Variants in ROS1 observed in about 807,000 individuals in gnomAD.
The protein encoded by ROS1 is ROS proto-oncogene 1, receptor tyrosine kinase.
ROS1 carries 263 observed loss-of-function variants against 273.5 expected under a neutral mutation model. That is an observed-to-expected ratio of 0.96 (90% CI 0.87 to 1.06). The LOEUF is 1.06. ROS1 is among the 50% of genes least tolerant of loss of function. The pLI, the probability that ROS1 is intolerant of heterozygous loss-of-function variation, is 0.00. For synonymous variants in ROS1, 1,008 were observed against 954.1 expected (o/e 1.06, Z -1.04); for missense variants, 2,833 against 2,751.1 (o/e 1.03, Z -0.67).
intron 18 of ROS1, among the ~76,000 whole-genome samples, chr6:117,369,826 G>T (rs1401135213): frequency 6.6e-6 from 1 of 152,054 alleles, no homozygotes; most frequent in Non-Finnish European, 1.5e-5. Flanking sequence ...CAGATTTGTT[G>T]TGTTTATGTG....
chr6:117,294,705 T>C (rs1392585853), intron 43 of ROS1, among the ~76,000 whole-genome samples: 1 of 152,096 alleles, frequency 6.6e-6, no homozygotes, highest in Non-Finnish European at 1.5e-5. Flanking sequence ...GGCAATGCCA[T>C]TTACAAGAGC....
intron 32 of ROS1, among the ~76,000 whole-genome samples, chr6:117,331,023 A>G (rs1240999670): frequency 2.6e-5 from 4 of 152,226 alleles, no homozygotes; most frequent in Admixed American, 2.0e-4. Flanking sequence ...GCTTCACAAG[A>G]TGGGTAGAAA....
chr6:117,359,360 T>C (rs577718253), intron 24 of ROS1, among the ~76,000 whole-genome samples: 113 of 152,316 alleles, frequency 7.4e-4, no homozygotes, highest in African/African-American at 1.8e-3. Flanking sequence ...TTAATCTTCA[T>C]GGGAACCCTA....
intron 32 of ROS1, among the ~76,000 whole-genome samples, chr6:117,334,464 T>C (rs117333339): frequency 0.095 from 14,421 of 152,164 alleles, 876 homozygotes; most frequent in Middle Eastern, 0.14. Flanking sequence ...CTAACTACCG[T>C]TGACATTCTT....
intron 43 of ROS1, 99 bp from the exon 44 acceptor site, chr6:117,288,901 C>T (rs1773627537): frequency 7.3e-6 from 7 of 958,422 alleles, no homozygotes; most frequent in East Asian, 2.7e-5. Flanking sequence ...CAACTTTACA[C>T]ATTTGTTCAG....
At chr6:117,328,911 G>C (rs2128591446) in intron 33 of ROS1, 1 of 609,560 alleles carries the variant, frequency 1.6e-6, no homozygotes. Flanking sequence ...TAATTTTACA[G>C]TATGAGAAAT....
At chr6:117,359,156 CTT>C (rs1382149829) in intron 24 of ROS1, among the ~76,000 whole-genome samples, 1 of 152,176 alleles carries the variant, frequency 6.6e-6, no homozygotes, top group African/African-American at 2.4e-5. Flanking sequence ...CCTGTCTCAT[CTT>C]TGTTTCCAAG....
In ROS1 at chr6:117,341,164, G is replaced by T. The variant is rs2128621411; in HGVS notation, c.5032C>A (p.Leu1678Ile). The change falls in exon 31 of 44, where the codon CTC (leucine) becomes ATC (isoleucine). Residue 1678 changes from leucine to isoleucine, a missense_variant. Coordinates refer to ENST00000368507, the MANE Select transcript of ROS1 (RefSeq NM_001378902.1). The part of the protein sequence containing the change: ...FNWKAPLNVN[L>I]IRFWVELQKW... ...TGTAGCTCAACCCAAAATCTGATGA[G>T]GTTAACATTCAATGGAGCCTTCCAA... 6.2e-7 allele frequency: 1 copy of T among 1,612,552 alleles called. No homozygotes were observed. Among genetic ancestry groups the T allele is most frequent in the Non-Finnish European group, 8.5e-7 (1 of 1,179,180 alleles).
chr6:117,409,558 T>A (rs754342314), intron 5 of ROS1, 24 bp downstream of exon 5: 1 of 1,596,450 alleles, frequency 6.3e-7, no homozygotes, highest in Non-Finnish European at 8.6e-7. Context: ...GCCTATTTTT[T>A]AAAAGTCGTG....
At chr6:117,310,042 T>C (rs905816278) in intron 41 of ROS1, 39 bp downstream of exon 41, 1 of 1,534,780 alleles carries the variant, frequency 6.5e-7, no homozygotes, top group Non-Finnish European at 9.0e-7. Flanking sequence ...TAATGTTTGA[T>C]GATTCTGTCA....
At chr6:117,400,429 C>T (rs1189992826) in intron 7 of ROS1, among the ~76,000 whole-genome samples, 1 of 152,088 alleles carries the variant, frequency 6.6e-6, no homozygotes, top group East Asian at 1.9e-4. Flanking sequence ...ATATTTTGAA[C>T]AAGAGAACAA....
At position 117,389,640 on chromosome 6, in the gene ROS1, A is replaced by T; in HGVS notation, c.1496T>A (p.Ile499Asn). ...ATCAGCAAAGGGGATGCGAGGTAGGATGAGATGGGAAGCAGAGCCATCCAG... is the reference window on the plus strand; with the variant it reads ...ATCAGCAAAGGGGATGCGAGGTAGGTTGAGATGGGAAGCAGAGCCATCCAG... Reference protein sequence around the residue: ...TFLDGSASHLILPRIPFADVK... With the variant: ...TFLDGSASHLNLPRIPFADVK... Residue 499 changes from isoleucine to asparagine, a missense_variant, in exon 13 of 44, where the codon ATC becomes AAC. Ile to Asn is a moderately radical substitution (Grantham distance 149). Coordinates refer to ENST00000368507, the MANE Select transcript of ROS1 (RefSeq NM_001378902.1). The T allele has an allele frequency of 6.2e-7, 1 of 1,614,234 alleles. No homozygotes were observed. Among genetic ancestry groups the T allele is most frequent in the Non-Finnish European group, 8.5e-7 (1 of 1,180,032 alleles).
At chr6:117,420,832 T>C (rs969083903) in intron 1 of ROS1, among the ~76,000 whole-genome samples, 15 of 152,012 alleles carry the variant, frequency 9.9e-5, no homozygotes, top group African/African-American at 3.6e-4. Context: ...ATTAGTAGTA[T>C]TATGTCCCAA....
intron 32 of ROS1, among the ~76,000 whole-genome samples, chr6:117,332,129 A>G (rs1777120196): frequency 6.6e-6 from 1 of 152,030 alleles, no homozygotes; most frequent in African/African-American, 2.4e-5. Context: ...GGCTCAAAAT[A>G]AAGGGATTGA....
At chr6:117,358,504 G>A (rs1044287327) in intron 24 of ROS1, among the ~76,000 whole-genome samples, 4 of 151,640 alleles carry the variant, frequency 2.6e-5, no homozygotes, top group African/African-American at 9.7e-5. Flanking sequence ...CGGTAACCCA[G>A]GCTGGAGTGC....
chr6:117,310,654 C>T (rs975494994), intron 40 of ROS1, among the ~76,000 whole-genome samples: 34 of 152,118 alleles, frequency 2.2e-4, no homozygotes, highest in African/African-American at 8.2e-4. Flanking sequence ...TTTTCTGTTC[C>T]TGTGTTAGTT....
rs1775505857 is a variant in ROS1, at chr6:117,311,046, G to A, written c.6189C>T (p.Tyr2063=). The change falls in exon 40 of 44, where the codon TAC becomes TAT. Residue 2063 remains tyrosine, a synonymous_variant. Coordinates refer to ENST00000368507, the MANE Select transcript of ROS1 (RefSeq NM_001378902.1). ...TGTGAATGAAATGCATCCGTTCCAA[G>A]TAGACACAGCCTTTTGAAATATCTA... The part of the protein sequence containing the change: ...LCVDISKGCV[Y]LERMHFIHRD... 1.2e-6 allele frequency: 2 copies of A among 1,609,792 alleles called. No individual in the cohort carries two copies. Among genetic ancestry groups the A allele is most frequent in the African/African-American group, 1.3e-5 (1 of 74,676 alleles).
Position 117,288,614 on chromosome 6 carries a change from CCTTCT to C in ROS1, c.6899_6903del (p.Glu2300GlyfsTer23). The C allele has an allele frequency of 6.2e-7, 1 of 1,614,154 alleles. No individual in the cohort carries two copies. Among genetic ancestry groups the C allele is most frequent in the Non-Finnish European group, 8.5e-7 (1 of 1,180,022 alleles). ...CAGAAATCTTTGTCTGCATGTGGTTCCTTCTCTTCTTTCCTCAGACCACAAGATTC... is the reference window on the plus strand; with the variant it reads ...CAGAAATCTTTGTCTGCATGTGGTTCCTTCTTTCCTCAGACCACAAGATTC... On this transcript the variant is annotated frameshift_variant, in exon 44 of 44. Transcript: ENST00000368507. LOFTEE classifies it high-confidence loss of function.
Position 117,396,276 on chromosome 6 carries a change from A to G in ROS1, c.807-12T>C, listed in dbSNP as rs1448320319. ...CTGCAATAGAAAACCTATTCCAAAA[A>G]CAATTTGGAGAGACGTGTTTCACAT... On this transcript the variant is annotated splice_polypyrimidine_tract_variant and intron_variant, in intron 8 of 43. Transcript: ENST00000368507. The G allele has an allele frequency of 6.3e-7, 1 of 1,597,358 alleles. No homozygotes were observed. Among genetic ancestry groups the G allele is most frequent in the Non-Finnish European group, 8.6e-7 (1 of 1,165,192 alleles).
Sources: gnomAD v4.1 joint callset for allele counts (sites outside exome capture counted in the v4.1 genomes callset) on GRCh38, gnomAD v4.1.1 for gene constraint, MANE v1.5 for transcripts, NCBI Gene and HGNC (gene_info 2026-07-23, HGNC 2026-07-21) for gene names.